ZNF736: variants seen among roughly 807,000 people sequenced by gnomAD.
ZNF736 encodes KRAB-containing zinc-finger repressor protein.
ZNF736 carries 6 observed loss-of-function variants against 11.7 expected under a neutral mutation model. The ratio of observed to expected loss-of-function variants is 0.51; its 90% CI spans 0.28 to 1.01. The LOEUF is 1.01. ZNF736 is among the 50% of genes least tolerant of loss of function. The pLI is 0.09. For missense variants in ZNF736, 444 were observed against 496.0 expected (o/e 0.90, Z 1.00); for synonymous variants, 139 against 164.7 (o/e 0.84, Z 1.19).
At chr7:64,326,130 G>A (rs1353255458) in intron 1 of ZNF736, among the ~76,000 whole-genome samples, 1 of 151,840 alleles carries the variant, frequency 6.6e-6, no homozygotes, top group African/African-American at 2.4e-5. Flanking sequence ...TCTTTCTCTT[G>A]TACCATTTTA....
In ZNF736 at chr7:64,314,045, C is replaced by G; in HGVS notation, c.-106C>G. 6.8e-7 allele frequency: 1 copy of G among 1,480,924 alleles called. No homozygotes were observed. The highest frequency in any genetic ancestry group is 1.9e-4 in the Middle Eastern group (1 of 5,334). The allele number at this position is 1,480,924 out of a possible 1,614,324, so 91.7% of individuals were successfully genotyped here. ...CGCGTCTCCACTGTTCCATCTCCTCCGTTCCTGGAGTTCCTCGGTGACTCT... is the reference window on the plus strand; with the variant it reads ...CGCGTCTCCACTGTTCCATCTCCTCGGTTCCTGGAGTTCCTCGGTGACTCT... On this transcript the variant is annotated 5_prime_UTR_variant, in exon 1 of 4. Coordinates refer to ENST00000423484, the MANE Select transcript of ZNF736 (RefSeq NM_001170905.3).
At chr7:64,320,485 A>C (rs1174319395) in intron 1 of ZNF736, among the ~76,000 whole-genome samples, 1 of 152,220 alleles carries the variant, frequency 6.6e-6, no homozygotes, top group East Asian at 1.9e-4. Context: ...TAATTCATTG[A>C]GAAATAAAAT....
chr7:64,345,269 G>A (rs56200728), intron 3 of ZNF736, among the ~76,000 whole-genome samples: 11 of 150,788 alleles, frequency 7.3e-5, no homozygotes, highest in African/African-American at 1.2e-4. Context: ...TGATCTGCCC[G>A]CCTCGGCCTC....
intron 1 of ZNF736, among the ~76,000 whole-genome samples, chr7:64,330,555 T>C (rs1789150647): frequency 6.6e-6 from 1 of 152,060 alleles, no homozygotes; most frequent in African/African-American, 2.4e-5. Flanking sequence ...TTGTTACGGC[T>C]ACCCCACTAT....
rs140270861 is a variant in ZNF736, at chr7:64,329,159, C to CTTT, written c.4-7092_4-7090dup. Reference sequence around the variant, plus strand: ...TCCAGATTCTGAATTTCTTTTTCTTCTTTTTTTTTTGTTATTTTGAATTTT... The same window carrying CTTT: ...TCCAGATTCTGAATTTCTTTTTCTTCTTTTTTTTTTTTTGTTATTTTGAATTTT... On this transcript the variant is annotated intron_variant, in intron 1 of 3. Transcript: ENST00000423484. Among the ~76,000 whole-genome samples, 483 of 148,334 alleles carry CTTT rather than the reference C, an allele frequency of 3.3e-3. 5 individuals carry two copies. The highest frequency in any genetic ancestry group is 3.4e-3 in the East Asian group (17 of 5,056).
intron 3 of ZNF736, among the ~76,000 whole-genome samples, chr7:64,347,406 A>G (rs1414479274): frequency 6.6e-6 from 1 of 151,220 alleles, no homozygotes; most frequent in Non-Finnish European, 1.5e-5. Context: ...TTGTATTTTT[A>G]GTTGAGACAA....
At chr7:64,316,329 T>A (rs558311812) in intron 1 of ZNF736, among the ~76,000 whole-genome samples, 80 of 152,312 alleles carry the variant, frequency 5.3e-4, no homozygotes, top group African/African-American at 1.8e-3. Context: ...CTAGTTTTCA[T>A]TTCTTGCAGA....
intron 3 of ZNF736, among the ~76,000 whole-genome samples, chr7:64,338,766 G>A (rs1789295548): frequency 6.9e-6 from 1 of 144,006 alleles, no homozygotes; most frequent in South Asian, 2.2e-4. Flanking sequence ...GATTGCTTTT[G>A]TATCTTGACA....
intron 1 of ZNF736, among the ~76,000 whole-genome samples, chr7:64,330,924 G>T (rs1789157113): frequency 6.6e-6 from 1 of 152,182 alleles, no homozygotes; most frequent in African/African-American, 2.4e-5. Flanking sequence ...TGTCCCAATT[G>T]CAGGACAAAG....
rs1413314366 is a variant in ZNF736, at chr7:64,348,660, T to G, written c.797T>G (p.Phe266Cys). Residue 266 changes from phenylalanine to cysteine, a missense_variant, in exon 4 of 4, where the codon TTT becomes TGT. Transcript: ENST00000423484. ...AAATGTGAAGAATGTGGCAAAGCCTTTAAGTGCTTCTCAGACCTTACTAAT... is the reference window on the plus strand; with the variant it reads ...AAATGTGAAGAATGTGGCAAAGCCTGTAAGTGCTTCTCAGACCTTACTAAT... The part of the protein sequence containing the change: ...PYKCEECGKA[F>C]KCFSDLTNHK... 3 of 1,607,482 alleles carry G rather than the reference T, an allele frequency of 1.9e-6. No individual in the cohort carries two copies. The highest frequency in any genetic ancestry group is 4.5e-5 in the East Asian group (2 of 44,490).
intron 3 of ZNF736, among the ~76,000 whole-genome samples, chr7:64,339,724 C>T (rs2115943349): frequency 7.2e-6 from 1 of 139,416 alleles, no homozygotes; most frequent in East Asian, 1.9e-4. Context: ...AGTATAATGC[C>T]CCTAGCTTTG....
At chr7:64,319,489 CTTTT>C (rs1220637935) in intron 1 of ZNF736, among the ~76,000 whole-genome samples, 1 of 55,726 alleles carries the variant, frequency 1.8e-5, no homozygotes, top group Non-Finnish European at 3.3e-5. Context: ...CATTTCTTCC[CTTTT>C]TTTTTTTTTT....
chr7:64,349,176 C>T lies in ZNF736; in HGVS notation c.*29C>T. 1 of 1,461,436 alleles carries T rather than the reference C, an allele frequency of 6.8e-7. No individual in the cohort carries two copies. The highest frequency in any genetic ancestry group is 9.1e-7 in the Non-Finnish European group (1 of 1,103,326). The allele number at this position is 1,461,436 out of a possible 1,614,324, so 90.5% of individuals were successfully genotyped here. ...TGTGGAAAAGCCTTTACCAAGTCCT[C>T]ATACTGTGTTCAACATCTGAAATTT... On this transcript the variant is annotated 3_prime_UTR_variant, in exon 4 of 4. Coordinates refer to ENST00000423484, the MANE Select transcript of ZNF736 (RefSeq NM_001170905.3).
rs1335389623 is a variant in ZNF736 at position 64,351,899 on chromosome 7, G to A, written c.*2752G>A. The A allele has an allele frequency of 6.6e-6, 1 of 152,204 alleles. No homozygotes were observed. The highest frequency in any genetic ancestry group is 1.5e-5 in the Non-Finnish European group (1 of 68,110). 9.4% of individuals were successfully genotyped at this position (152,204 alleles called of 1,614,324 possible). A position where few individuals can be genotyped will look rare whatever the true frequency, so the allele number is the denominator to read the frequency against. On this transcript the variant is annotated 3_prime_UTR_variant, in exon 4 of 4. Transcript: ENST00000423484. ...CTGAGGAGCAGTGGGTAGTTTGTGGGACCCATGGAGGATGGGCTGGCTTCC... is the reference window on the plus strand; with the variant it reads ...CTGAGGAGCAGTGGGTAGTTTGTGGAACCCATGGAGGATGGGCTGGCTTCC...
chr7:64,324,452 A>G (rs1045970967), intron 1 of ZNF736, among the ~76,000 whole-genome samples: 7 of 152,178 alleles, frequency 4.6e-5, no homozygotes, highest in Admixed American at 3.3e-4. Flanking sequence ...CCCAGGGTCA[A>G]CAGGAACTGA....
Position 64,352,201 on chromosome 7 carries a change from C to T in ZNF736, c.*3054C>T, listed in dbSNP as rs541351286. The T allele has an allele frequency of 6.6e-6, 1 of 152,376 alleles. No individual in the cohort carries two copies. Among genetic ancestry groups the T allele is most frequent in the Admixed American group, 6.5e-5 (1 of 15,296 alleles). The allele number at this position is 152,376 out of a possible 1,614,324, so 9.4% of individuals were successfully genotyped here. On this transcript the variant is annotated 3_prime_UTR_variant, in exon 4 of 4. Coordinates refer to ENST00000423484, the MANE Select transcript of ZNF736 (RefSeq NM_001170905.3). ...GCTGCAGTATGCTGGGTGTCCACTA[C>T]AGTTTCTAGTCACCTCAGATTTTCC...
At chr7:64,314,704 A>G (rs1788886854) in intron 1 of ZNF736, among the ~76,000 whole-genome samples, 1 of 152,142 alleles carries the variant, frequency 6.6e-6, no homozygotes, top group South Asian at 2.1e-4. Flanking sequence ...AGCTAGGACT[A>G]GAGGGGTGCG....
At chr7:64,325,909 C>CCAATTAAATTCAATT (rs1789076843) in intron 1 of ZNF736, among the ~76,000 whole-genome samples, 2 of 152,014 alleles carry the variant, frequency 1.3e-5, no homozygotes, top group Admixed American at 6.6e-5. Context: ...TTGAATATAG[C>CCAATTAAATTCAATT]CAATTTAAAT....
intron 1 of ZNF736, among the ~76,000 whole-genome samples, chr7:64,315,929 CTGTT>C (rs1433692373): frequency 2.0e-5 from 3 of 152,026 alleles, no homozygotes; most frequent in Non-Finnish European, 4.4e-5. Flanking sequence ...ATATATTAGT[CTGTT>C]TGTGCATATT....
Sources: gnomAD v4.1 joint callset for allele counts (sites outside exome capture counted in the v4.1 genomes callset) on GRCh38, gnomAD v4.1.1 for gene constraint, MANE v1.5 for transcripts, NCBI Gene and HGNC (gene_info 2026-07-23, HGNC 2026-07-21) for gene names.